Variants in PITRM1 observed in about 807,000 individuals in gnomAD.
PITRM1 encodes the protein pitrilysin metallopeptidase 1.
PITRM1 carries 100 observed loss-of-function variants against 129.9 expected under a neutral mutation model. The observed-to-expected ratio is 0.77, with a 90% confidence interval of 0.65 to 0.91. PITRM1 has a LOEUF of 0.91. Among genes scored for constraint, PITRM1 ranks in the 40% least tolerant of loss-of-function variants. The pLI, the probability that PITRM1 is intolerant of heterozygous loss-of-function variation, is 0.00. For missense variants in PITRM1, 1,471 were observed against 1,318.3 expected, an observed-to-expected ratio of 1.12 and a Z score of -1.79; for synonymous variants, 591 against 508.8, an observed-to-expected ratio of 1.16 and a Z score of -2.17.
intron 2 of PITRM1, among the ~76,000 whole-genome samples, chr10:3,167,294 AGCG>A (rs762730437): frequency 9.2e-5 from 14 of 151,758 alleles, no homozygotes; most frequent in Non-Finnish European, 1.5e-4. Context: ...AGAGCGAGCG[AGCG>A]AGCGAGCGCG....
chr10:3,161,438 G>A (rs1178821323), intron 7 of PITRM1, among the ~76,000 whole-genome samples: 2 of 152,188 alleles, frequency 1.3e-5, no homozygotes, highest in Non-Finnish European at 2.9e-5. Context: ...CCTGAGCTAT[G>A]GTTAAGGTTT....
At chr10:3,165,711 G>A (rs1368059525) in intron 4 of PITRM1, among the ~76,000 whole-genome samples, 184 bp from the exon 5 acceptor site, 3 of 152,158 alleles carry the variant, frequency 2.0e-5, no homozygotes, top group Non-Finnish European at 4.4e-5. Context: ...CCCAAGTGCC[G>A]GCTTTCCCAT....
intron 6 of PITRM1, chr10:3,164,356 C>T (rs749385296): frequency 1.3e-5 from 2 of 152,736 alleles, no homozygotes; most frequent in Admixed American, 6.5e-5. Context: ...GCCTCAGGGA[C>T]ACCAGGACAG....
At chr10:3,163,258 T>G (rs1842596278) in intron 7 of PITRM1, 1 of 152,336 alleles carries the variant, frequency 6.6e-6, no homozygotes, top group South Asian at 2.1e-4. Context: ...TATATTATTA[T>G]TATAATGACC....
At chr10:3,139,090 G>A (rs2279220) in intron 24 of PITRM1, 41 bp from the exon 25 acceptor site, 1,122,036 of 1,585,492 alleles carry the variant, frequency 0.71, 397,889 homozygotes, top group East Asian at 0.75. Context: ...CATTTTACCA[G>A]TGGACAAGTT....
Position 3,157,078 on chromosome 10 carries a change from T to C in PITRM1, c.1348-14A>G. On this transcript the variant is annotated splice_polypyrimidine_tract_variant and intron_variant, in intron 12 of 26. Transcript: ENST00000224949. ...AGAAGCTATGTACTGGAAGGAAGAT[T>C]TCCACATCCACAATGCAGCTGGTAC... The C allele has an allele frequency of 6.3e-7, 1 of 1,598,948 alleles. No homozygotes were observed. Among genetic ancestry groups the C allele is most frequent in the Non-Finnish European group, 8.5e-7 (1 of 1,175,672 alleles).
At chr10:3,161,515 C>T (rs1842437747) in intron 7 of PITRM1, among the ~76,000 whole-genome samples, 2 of 152,174 alleles carry the variant, frequency 1.3e-5, no homozygotes, top group South Asian at 2.1e-4. Context: ...AAATTTTACA[C>T]ACTCGGGGTT....
intron 15 of PITRM1, among the ~76,000 whole-genome samples, chr10:3,150,110 T>C (rs2132414040): frequency 6.7e-6 from 1 of 149,260 alleles, no homozygotes; most frequent in South Asian, 2.2e-4. Context: ...CTGCTCATCT[T>C]CCCCAACAGG....
intron 1 of PITRM1, chr10:3,172,169 G>A (rs371881250): frequency 9.4e-5 from 43 of 456,122 alleles, no homozygotes; most frequent in African/African-American, 8.4e-4. Flanking sequence ...GGCCGGCAGC[G>A]CTGAACTATT....
Position 3,160,012 on chromosome 10 carries a change from G to T in PITRM1, c.919-76C>A, listed in dbSNP as rs146039352. 1,555 of 1,244,802 alleles carry T rather than the reference G, an allele frequency of 1.2e-3. 9 individuals are homozygous for T. The highest frequency in any genetic ancestry group is 2.5e-3 in the East Asian group (98 of 39,736). 77.1% of individuals were successfully genotyped at this position (1,244,802 alleles called of 1,614,324 possible). A position where few individuals can be genotyped will look rare whatever the true frequency, so the allele number is the denominator to read the frequency against. On this transcript the variant is annotated intron_variant, in intron 8 of 26. Transcript: ENST00000224949. ...ACTACTCTAGGTTATCTGGATACAC[G>T]AAATGGAGCGAAACAGGCTTTCCAC...
chr10:3,147,941 T>A, intron 18 of PITRM1, 46 bp downstream of exon 18: 2 of 1,434,494 alleles, frequency 1.4e-6, no homozygotes, highest in Non-Finnish European at 2.0e-6. Context: ...CAAACAAAGA[T>A]CTCTAGTACA....
chr10:3,163,333 C>A, intron 7 of PITRM1: 1 of 155,360 alleles, frequency 6.4e-6, no homozygotes, highest in Admixed American at 6.5e-5. Flanking sequence ...GGTTCAGTAA[C>A]TGCATCCACT....
Position 3,149,617 on chromosome 10 carries a change from G to A in PITRM1, c.1871+4C>T, listed in dbSNP as rs183041702. ...GACACACAAGGGTATGTTGCGACTC[G>A]TACTTGGTGAGGACGCTGCAGAAGA... On this transcript the variant is annotated splice_donor_region_variant and intron_variant, in intron 16 of 26. Transcript: ENST00000224949. 16 of 1,552,324 alleles carry A rather than the reference G, an allele frequency of 1.0e-5. No homozygotes were observed. The highest frequency in any genetic ancestry group is 1.7e-4 in the Middle Eastern group (1 of 5,720).
At chr10:3,170,754 G>T (rs1300852085) in intron 1 of PITRM1, among the ~76,000 whole-genome samples, 1 of 152,122 alleles carries the variant, frequency 6.6e-6, no homozygotes, top group East Asian at 1.9e-4. Context: ...CCAGCACTTT[G>T]GGAGGCCTGG....
intron 9 of PITRM1, 22 bp from the exon 10 acceptor site, chr10:3,159,064 C>T (rs200301453): frequency 1.9e-5 from 31 of 1,589,774 alleles, no homozygotes; most frequent in Admixed American, 1.1e-4. Context: ...AAAAAAGGAA[C>T]GGGGAGGTAA....
In PITRM1 at chr10:3,162,866, C is replaced by T. The variant is rs4553278; in HGVS notation, c.791+859G>A. On this transcript the variant is annotated intron_variant, in intron 7 of 26. Transcript: ENST00000224949. ...CGACCAGGTGTGACCTGTGGGACCCCGTGCAACAAACACTTTGGGGCCAAC... is the reference window on the plus strand; with the variant it reads ...CGACCAGGTGTGACCTGTGGGACCCTGTGCAACAAACACTTTGGGGCCAAC... Among the ~76,000 whole-genome samples the T allele has an allele frequency of 4.2e-3, 646 of 152,238 alleles. 8 individuals carry two copies. The highest frequency in any genetic ancestry group is 0.033 in the Admixed American group (503 of 15,298).
At chr10:3,155,479 G>T (rs1326900095) in intron 14 of PITRM1, 112 bp downstream of exon 14, 7 of 1,352,466 alleles carry the variant, frequency 5.2e-6, no homozygotes, top group Admixed American at 2.0e-5. Flanking sequence ...TTGGCGCCCA[G>T]CGGACACCTG....
At chr10:3,172,246 A>G (rs1281312288) in intron 1 of PITRM1, 9 of 458,640 alleles carry the variant, frequency 2.0e-5, no homozygotes, top group Admixed American at 1.6e-4. Context: ...TTTTTTCCCC[A>G]TAAATTGAGT....
At position 3,157,461 on chromosome 10, in the gene PITRM1, T is replaced by C. The variant is rs968409640; in HGVS notation, c.1321A>G (p.Thr441Ala). ...KIEIQMKHQS[T>A]SFGLMLTSYI... The stretch of plus-strand genomic sequence containing the variant: ...GATGTCAGCATCAGCCCAAAGCTGG[T>C]AGACTGATGTTTCATCTGTATTTCA... Residue 441 changes from threonine to alanine, a missense_variant, in exon 12 of 27, where the codon ACC becomes GCC. Physicochemically the swap from Thr to Ala is moderately conservative, Grantham distance 58. Coordinates refer to ENST00000224949, the MANE Select transcript of PITRM1 (RefSeq NM_014889.4). 2 of 1,610,260 alleles carry C rather than the reference T, an allele frequency of 1.2e-6. No homozygotes were observed. Among genetic ancestry groups the C allele is most frequent in the Non-Finnish European group, 1.7e-6 (2 of 1,177,702 alleles).
Sources: gnomAD v4.1 joint callset for allele counts (sites outside exome capture counted in the v4.1 genomes callset) on GRCh38, gnomAD v4.1.1 for gene constraint, MANE v1.5 for transcripts, NCBI Gene and HGNC (gene_info 2026-07-23, HGNC 2026-07-21) for gene names.